PABPC4L: variants seen among roughly 807,000 people sequenced by gnomAD.
The protein encoded by PABPC4L is poly(A) binding protein cytoplasmic 4 like, also known as polyadenylate-binding protein 4-like.
For missense variants in PABPC4L, 452 were observed against 451.4 expected (o/e 1.00, Z -0.01); for synonymous variants, 169 against 164.1 (o/e 1.03, Z -0.23).
chr4:134,165,206 T>G, the PABPC4L span, among the ~76,000 whole-genome samples: 1 of 152,136 alleles, frequency 6.6e-6, no homozygotes, highest in Admixed American at 6.5e-5. Flanking sequence ...GGATAAACTC[T>G]TTTGGACATT....
chr4:134,087,513 T>A, the PABPC4L span, among the ~76,000 whole-genome samples: 572 of 152,224 alleles, frequency 3.8e-3, 2 homozygotes, highest in African/African-American at 0.013. Flanking sequence ...ATGGCAGATC[T>A]CACAGGGTAA....
chr4:134,152,096 G>T, the PABPC4L span, among the ~76,000 whole-genome samples: 3 of 151,890 alleles, frequency 2.0e-5, no homozygotes, highest in African/African-American at 7.2e-5. Flanking sequence ...TATATAATCT[G>T]AAATCAGGTC....
chr4:133,994,398 C>T, the PABPC4L span, among the ~76,000 whole-genome samples: 2 of 152,220 alleles, frequency 1.3e-5, no homozygotes, highest in South Asian at 2.1e-4. Context: ...CCCCATTGGG[C>T]TAATAGGTCC....
At chr4:134,171,607 A>G in the PABPC4L span, among the ~76,000 whole-genome samples, 1 of 152,162 alleles carries the variant, frequency 6.6e-6, no homozygotes, top group African/African-American at 2.4e-5. Flanking sequence ...TTAGAAGTAA[A>G]ACAAGACAAG....
chr4:134,194,186 C>G (rs1729590445), downstream of PABPC4L, among the ~76,000 whole-genome samples: 2 of 151,788 alleles, frequency 1.3e-5, no homozygotes, highest in African/African-American at 2.4e-5. Context: ...CTAATAAGTG[C>G]TATGCTAGTA....
chr4:134,077,809 A>G, the PABPC4L span, among the ~76,000 whole-genome samples: 1 of 152,142 alleles, frequency 6.6e-6, no homozygotes, highest in African/African-American at 2.4e-5. Flanking sequence ...TTTTCACATA[A>G]TTTTTAAGTT....
the PABPC4L span, among the ~76,000 whole-genome samples, chr4:134,188,423 A>AACATGGAT: frequency 3.3e-5 from 5 of 152,102 alleles, no homozygotes; most frequent in Admixed American, 2.0e-4. Flanking sequence ...TGTAGATGTT[A>AACATGGAT]ATTATTGACT....
At chr4:134,034,139 C>T in the PABPC4L span, among the ~76,000 whole-genome samples, 4 of 151,862 alleles carry the variant, frequency 2.6e-5, no homozygotes, top group African/African-American at 4.8e-5. Context: ...TCCTAACACC[C>T]TTAAGAATTA....
the PABPC4L span, among the ~76,000 whole-genome samples, chr4:134,157,066 C>G: frequency 6.6e-6 from 1 of 151,426 alleles, no homozygotes; most frequent in African/African-American, 2.4e-5. Flanking sequence ...GTCAAATGTT[C>G]TCTGATTCTT....
At chr4:133,978,712 T>C in the PABPC4L span, 2 of 152,176 alleles carry the variant, frequency 1.3e-5, no homozygotes, top group African/African-American at 2.4e-5. Flanking sequence ...ATTATTACTC[T>C]CTTGTGATCT....
the PABPC4L span, among the ~76,000 whole-genome samples, chr4:134,155,218 T>A: frequency 6.6e-6 from 1 of 152,080 alleles, no homozygotes. Flanking sequence ...ATGTAAAATT[T>A]ATTTTATATT....
At chr4:133,994,670 T>C in the PABPC4L span, among the ~76,000 whole-genome samples, 1 of 152,154 alleles carries the variant, frequency 6.6e-6, no homozygotes, top group Non-Finnish European at 1.5e-5. Context: ...TGATCTGTGA[T>C]TAATTGGTTC....
At chr4:134,056,925 T>C in the PABPC4L span, among the ~76,000 whole-genome samples, 3 of 152,084 alleles carry the variant, frequency 2.0e-5, no homozygotes, top group East Asian at 3.9e-4. Context: ...TTATGCTGAA[T>C]AAACCTGAGC....
the PABPC4L span, among the ~76,000 whole-genome samples, chr4:134,101,448 C>T: frequency 0.7 from 106,079 of 151,170 alleles, 38,579 homozygotes; most frequent in East Asian, 1. Context: ...TTCTGATGCA[C>T]GAAAGATGTT....
chr4:134,171,945 G>T, the PABPC4L span, among the ~76,000 whole-genome samples: 1 of 151,502 alleles, frequency 6.6e-6, no homozygotes, highest in Non-Finnish European at 1.5e-5. Context: ...AAATACCTAG[G>T]AATACACCTA....
chr4:134,037,975 T>G, the PABPC4L span, among the ~76,000 whole-genome samples: 2 of 152,154 alleles, frequency 1.3e-5, no homozygotes, highest in African/African-American at 4.8e-5. Flanking sequence ...TAAATAGCTC[T>G]TATTATTTTG....
At chr4:134,167,300 T>C in the PABPC4L span, among the ~76,000 whole-genome samples, 1 of 152,096 alleles carries the variant, frequency 6.6e-6, no homozygotes, top group South Asian at 2.1e-4. Context: ...CCTGTGTGCA[T>C]GTGTGGTAGC....
At chr4:133,975,360 ATGAG>A in the PABPC4L span, among the ~76,000 whole-genome samples, 2 of 152,186 alleles carry the variant, frequency 1.3e-5, no homozygotes, top group Middle Eastern at 3.4e-3. Context: ...GGGATCACTA[ATGAG>A]TATTGGGTTT....
At chr4:134,050,725 A>AAAAAAAAAAAAAAAAAAG in the PABPC4L span, among the ~76,000 whole-genome samples, 1 of 150,950 alleles carries the variant, frequency 6.6e-6, no homozygotes, top group African/African-American at 2.4e-5. Flanking sequence ...AAAAAAAAAA[A>AAAAAAAAAAAAAAAAAAG]AAGTGAAAGA....
Sources: gnomAD v4.1 joint callset for allele counts (sites outside exome capture counted in the v4.1 genomes callset) on GRCh38, gnomAD v4.1.1 for gene constraint, MANE v1.5 for transcripts, NCBI Gene and HGNC (gene_info 2026-07-23, HGNC 2026-07-21) for gene names.